The following SNRPD3 variants were observed in gnomAD, a reference collection of about 807,000 sequenced individuals.
SNRPD3 encodes the protein small nuclear ribonucleoprotein Sm D3.
For synonymous variants in SNRPD3, 66 were observed against 58.4 expected (o/e 1.13, Z -0.59); for missense variants, 73 against 167.5 (o/e 0.44, Z 3.11).
intron 2 of SNRPD3, 108 bp downstream of exon 2, chr22:24,557,908 TTTCCTAAGTGCC>T (rs1261969370): frequency 8.8e-7 from 1 of 1,137,568 alleles, no homozygotes; most frequent in East Asian, 2.6e-5. Flanking sequence ...TCAGCAGTGA[TTTCCTAAGTGCC>T]TAATGCATAC....
upstream of SNRPD3, chr22:24,555,696 G>C: frequency 6.4e-7 from 1 of 1,550,656 alleles, no homozygotes; most frequent in South Asian, 1.2e-5. Flanking sequence ...CCCGGTCTGA[G>C]GGCCCAAGCC....
chr22:24,571,607 G>A (rs1488221380), intron 3 of SNRPD3, among the ~76,000 whole-genome samples: 1 of 152,072 alleles, frequency 6.6e-6, no homozygotes, highest in Non-Finnish European at 1.5e-5. Flanking sequence ...GGGCGTTGTG[G>A]TTCACGGCTG....
chr22:24,568,136 A>G lies in SNRPD3; in HGVS notation c.279A>G (p.Ser93=), dbSNP rs773864297. The G allele has an allele frequency of 3.1e-6, 5 of 1,613,782 alleles. No homozygotes were observed. The African/African-American group carries it at 5.3e-5, about 17-fold the overall frequency. The change falls in exon 3 of 4, where the codon TCA becomes TCG. Residue 93 remains serine, a synonymous_variant. Coordinates refer to ENST00000215829, the MANE Select transcript of SNRPD3 (RefSeq NM_004175.5). Reference sequence around the variant, plus strand: ...GCATGAAAAATAAAAACCAAGGCTCAGGGGCTGGCCGAGGAAAAGCTGCTA... The same window carrying G: ...GCATGAAAAATAAAAACCAAGGCTCGGGGGCTGGCCGAGGAAAAGCTGCTA... ...LKSMKNKNQG[S]GAGRGKAAIL... is the part of the protein sequence containing the mutation.
chr22:24,562,402 G>GGT (rs1312512093), intron 2 of SNRPD3, among the ~76,000 whole-genome samples: 6 of 152,246 alleles, frequency 3.9e-5, no homozygotes, highest in African/African-American at 1.4e-4. Flanking sequence ...AAATTAGCCA[G>GGT]GTGTGGTGGC....
chr22:24,570,866 A>C (rs1471936322), intron 3 of SNRPD3, among the ~76,000 whole-genome samples: 1 of 134,018 alleles, frequency 7.5e-6, no homozygotes, highest in East Asian at 2.3e-4. Context: ...CCCAGGCTGC[A>C]GTGCGGTGGC....
At chr22:24,563,264 A>G (rs1555892664) in intron 2 of SNRPD3, among the ~76,000 whole-genome samples, 2 of 120,474 alleles carry the variant, frequency 1.7e-5, no homozygotes, top group Admixed American at 1.7e-4. Context: ...GTATGTATAT[A>G]TGTATGTATA....
chr22:24,561,247 ATT>A (rs896799031), intron 2 of SNRPD3, among the ~76,000 whole-genome samples: 16 of 150,156 alleles, frequency 1.1e-4, no homozygotes, highest in African/African-American at 2.5e-5. Flanking sequence ...TAATTTTTAA[ATT>A]TTTTTGTAGA....
chr22:24,556,205 G>C (rs1387023652), intron 1 of SNRPD3, 134 bp downstream of exon 1: 3 of 356,692 alleles, frequency 8.4e-6, no homozygotes, highest in Non-Finnish European at 1.6e-5. Flanking sequence ...CCAAACATCA[G>C]CGTCGCCTCA....
chr22:24,557,511 CTTT>C (rs11427005), intron 1 of SNRPD3, 143 bp from the exon 2 acceptor site: 4 of 419,872 alleles, frequency 9.5e-6, no homozygotes, highest in East Asian at 4.9e-5. Flanking sequence ...AGGAGCTGAG[CTTT>C]TTTTTTTTTC....
chr22:24,563,304 ATATT>A (rs1569025579), intron 2 of SNRPD3, among the ~76,000 whole-genome samples: 1 of 116,724 alleles, frequency 8.6e-6, no homozygotes, highest in African/African-American at 4.1e-5. Flanking sequence ...ATATATATAT[ATATT>A]TTTTTTTTTA....
At chr22:24,561,060 T>TTTTC in intron 2 of SNRPD3, among the ~76,000 whole-genome samples, 1 of 131,270 alleles carries the variant, frequency 7.6e-6, no homozygotes, top group Non-Finnish European at 1.6e-5. Context: ...TTCCTTTTTC[T>TTTTC]TTTCTTTTTT....
chr22:24,567,843 G>T, intron 2 of SNRPD3, 141 bp from the exon 3 acceptor site: 3 of 641,452 alleles, frequency 4.7e-6, no homozygotes, highest in Non-Finnish European at 8.2e-6. Context: ...TACACAGTTA[G>T]TACCGATGAT....
rs1287706602 is a variant in SNRPD3, at chr22:24,573,595, C to A, written c.*1618C>A. On this transcript the variant is annotated 3_prime_UTR_variant, in exon 4 of 4. Transcript: ENST00000215829. Reference sequence around the variant, plus strand: ...TAGACGTTTAAAATAGGGCTTCAGGCCAAACATGGTGCCCCACGCCTATAA... The same window carrying A: ...TAGACGTTTAAAATAGGGCTTCAGGACAAACATGGTGCCCCACGCCTATAA... Among the ~76,000 whole-genome samples, 1 of 152,140 alleles carries A rather than the reference C, an allele frequency of 6.6e-6. No homozygotes were observed. Among genetic ancestry groups the A allele is most frequent in the Non-Finnish European group, 1.5e-5 (1 of 68,018 alleles).
rs1490032958 is a variant in SNRPD3, at chr22:24,569,203, AATAAAGCC to A, written c.319+1029_319+1036del. 6.6e-5 allele frequency among the ~76,000 whole-genome samples: 10 copies of A among 152,348 alleles called. No homozygotes were observed. The South Asian group carries it at 1.5e-3, about 22-fold the overall frequency. ...CTGATAGTGGAGCTCCGTTTTCAGA[AATAAAGCC>A]ACCTTTTAGTACATTCCAAAAGTGG... On this transcript the variant is annotated intron_variant, in intron 3 of 3. Transcript: ENST00000215829.
intron 3 of SNRPD3, among the ~76,000 whole-genome samples, chr22:24,570,814 T>C (rs1306467251): frequency 8.4e-6 from 1 of 119,616 alleles, no homozygotes; most frequent in Non-Finnish European, 1.6e-5. Flanking sequence ...ATGAAATAAT[T>C]CTTTTTTTTT....
At chr22:24,559,392 G>T (rs571073069) in intron 2 of SNRPD3, among the ~76,000 whole-genome samples, 1 of 152,284 alleles carries the variant, frequency 6.6e-6, no homozygotes, top group Non-Finnish European at 1.5e-5. Flanking sequence ...CCACTTTAAG[G>T]TTCTTTAATT....
chr22:24,572,082 C>G lies in SNRPD3; in HGVS notation c.*105C>G. ...GCTAGGTATCTTTTGCCATCTTTCTCTTTAGATCAGGGGAAATGTTTAAGC... is the reference window on the plus strand; with the variant it reads ...GCTAGGTATCTTTTGCCATCTTTCTGTTTAGATCAGGGGAAATGTTTAAGC... On this transcript the variant is annotated 3_prime_UTR_variant, in exon 4 of 4. Transcript: ENST00000215829. 1.3e-6 allele frequency: 2 copies of G among 1,561,688 alleles called. No homozygotes were observed. Among genetic ancestry groups the G allele is most frequent in the Non-Finnish European group, 1.7e-6 (2 of 1,150,880 alleles).
At chr22:24,560,454 T>C (rs2045124339) in intron 2 of SNRPD3, among the ~76,000 whole-genome samples, 1 of 16,556 alleles carries the variant, frequency 6.0e-5, no homozygotes, top group East Asian at 1.8e-3. Context: ...TTTTTTTTTT[T>C]TTTTTTTTTT....
chr22:24,560,126 C>CTGTCACCCAGGCTGCAGTCTTGCTT (rs2045119690), intron 2 of SNRPD3, among the ~76,000 whole-genome samples: 2 of 116,906 alleles, frequency 1.7e-5, no homozygotes, highest in Non-Finnish European at 1.6e-5. Flanking sequence ...GAGCCTTGCT[C>CTGTCACCCAGGCTGCAGTCTTGCTT]TGTCACCCAG....
Sources: allele counts gnomAD v4.1 joint callset (sites outside exome capture counted in the v4.1 genomes callset), GRCh38; gene constraint gnomAD v4.1.1; transcripts MANE v1.5; gene names NCBI Gene and HGNC (gene_info 2026-07-23, HGNC 2026-07-21).